Variants in SSBP3 observed in about 807,000 individuals in gnomAD.
SSBP3 encodes single-stranded DNA-binding protein 3.
SSBP3 carries 5 observed loss-of-function variants against 69.6 expected under a neutral mutation model. The observed-to-expected ratio is 0.07, with a 90% CI of 0.04 to 0.15. The LOEUF (loss-of-function observed/expected upper bound fraction) is 0.15, where lower values mean the gene tolerates loss of function less well. Ranked by LOEUF, SSBP3 falls within the 10% of genes least tolerant of loss-of-function variation. The probability of loss-of-function intolerance (pLI) is 1.00; values close to 1 mark genes in which losing one functional copy is unlikely to be tolerated. For synonymous variants in SSBP3, 196 were observed against 193.4 expected (o/e 1.01, Z -0.11); for missense variants, 312 against 534.0 (o/e 0.58, Z 4.10).
chr1:54,346,285 A>G (rs937209219), intron 4 of SSBP3, among the ~76,000 whole-genome samples: 26 of 151,772 alleles, frequency 1.7e-4, no homozygotes, highest in African/African-American at 6.3e-4. Flanking sequence ...AGATCGGGCC[A>G]CTGCACTCCA....
chr1:54,400,042 G>A (rs1308853756), intron 4 of SSBP3, among the ~76,000 whole-genome samples: 1 of 152,134 alleles, frequency 6.6e-6, no homozygotes, highest in Non-Finnish European at 1.5e-5. Flanking sequence ...TCTTCTAAAT[G>A]TCAACGCCAA....
At chr1:54,308,675 G>A (rs1645944572) in intron 4 of SSBP3, among the ~76,000 whole-genome samples, 1 of 151,956 alleles carries the variant, frequency 6.6e-6, no homozygotes, top group South Asian at 2.1e-4. Context: ...GGCTGAGGCA[G>A]GAGAATCACT....
At chr1:54,251,314 C>T (rs1039477249) in intron 9 of SSBP3, among the ~76,000 whole-genome samples, 11 of 152,214 alleles carry the variant, frequency 7.2e-5, no homozygotes, top group African/African-American at 2.2e-4. Flanking sequence ...CTTCTTCAGA[C>T]CCCATGATAG....
At chr1:54,295,943 G>A (rs1446174758) in intron 4 of SSBP3, among the ~76,000 whole-genome samples, 1 of 152,128 alleles carries the variant, frequency 6.6e-6, no homozygotes, top group Non-Finnish European at 1.5e-5. Flanking sequence ...TTTCTACCTG[G>A]TCTTATTATA....
chr1:54,299,918 G>C (rs1432077077), intron 4 of SSBP3, among the ~76,000 whole-genome samples: 1 of 152,002 alleles, frequency 6.6e-6, no homozygotes, highest in Non-Finnish European at 1.5e-5. Flanking sequence ...CAGCTCCACC[G>C]ACATAATTCC....
chr1:54,290,137 A>C (rs1467843797), intron 4 of SSBP3, among the ~76,000 whole-genome samples: 1 of 152,214 alleles, frequency 6.6e-6, no homozygotes, highest in Non-Finnish European at 1.5e-5. Context: ...TCTCTGATAC[A>C]AATTTCAGAA....
At chr1:54,382,985 CAA>C (rs781100304) in intron 4 of SSBP3, among the ~76,000 whole-genome samples, 6 of 89,946 alleles carry the variant, frequency 6.7e-5, no homozygotes, top group Non-Finnish European at 6.9e-5. Context: ...AACTCCATGA[CAA>C]AAAAAAAAAA....
chr1:54,267,257 T>A (rs780638991), intron 5 of SSBP3, among the ~76,000 whole-genome samples: 15 of 152,174 alleles, frequency 9.9e-5, no homozygotes, highest in Admixed American at 5.2e-4. Context: ...TCCACATGTA[T>A]CCATACAACA....
At chr1:54,289,849 C>A (rs1379289332) in intron 4 of SSBP3, among the ~76,000 whole-genome samples, 1 of 152,032 alleles carries the variant, frequency 6.6e-6, no homozygotes, top group East Asian at 1.9e-4. Flanking sequence ...CGCTTTCCCT[C>A]CCCCAGGATA....
In SSBP3 at chr1:54,351,937, A is replaced by G. The variant is rs181077897; in HGVS notation, c.276+49924T>C. ...CTCCAGAAGGAGCTCCTGGTGAGCT[A>G]AAGAGCAGTGTGAACTCCAGCAAAC... On this transcript the variant is annotated intron_variant, in intron 4 of 17. Transcript: ENST00000610401. 9.2e-5 allele frequency among the ~76,000 whole-genome samples: 14 copies of G among 152,316 alleles called. No individual in the cohort carries two copies. The East Asian group carries it at 2.7e-3, about 29-fold the overall frequency.
chr1:54,370,684 T>C (rs1225634340), intron 4 of SSBP3, among the ~76,000 whole-genome samples: 1 of 152,062 alleles, frequency 6.6e-6, no homozygotes, highest in South Asian at 2.1e-4. Flanking sequence ...ATACAGGAGA[T>C]TGTTCTACAA....
At chr1:54,246,255 G>A (rs1245891205) in intron 9 of SSBP3, among the ~76,000 whole-genome samples, 9 of 152,214 alleles carry the variant, frequency 5.9e-5, no homozygotes, top group Non-Finnish European at 1.3e-4. Context: ...CAGCATTGCA[G>A]AAGCTTGGGT....
chr1:54,288,292 C>T (rs747206209), intron 4 of SSBP3, among the ~76,000 whole-genome samples: 1 of 152,166 alleles, frequency 6.6e-6, no homozygotes, highest in African/African-American at 2.4e-5. Flanking sequence ...CTGATCAGGC[C>T]TTCCTGCCCC....
At chr1:54,405,864 G>GCCACCC in intron 1 of SSBP3, 89 bp downstream of exon 1, 1 of 138,886 alleles carries the variant, frequency 7.2e-6, no homozygotes, top group Non-Finnish European at 1.5e-5. Flanking sequence ...GCAGCCTCCG[G>GCCACCC]CCCCCGCCCG....
rs1315824347 is a variant in SSBP3, at chr1:54,316,476, A to G, written c.277-34949T>C. On this transcript the variant is annotated intron_variant, in intron 4 of 17. Transcript: ENST00000610401. Reference sequence around the variant, plus strand: ...AACAAGGTGAAACCCCGTCTCTACTAAAAATACAAAAAAAATTAGCCGGGC... The same window carrying G: ...AACAAGGTGAAACCCCGTCTCTACTGAAAATACAAAAAAAATTAGCCGGGC... 2.1e-5 allele frequency among the ~76,000 whole-genome samples: 3 copies of G among 145,550 alleles called. No homozygotes were observed. In the South Asian group the frequency reaches 6.7e-4, roughly 32 times the overall value.
intron 4 of SSBP3, among the ~76,000 whole-genome samples, chr1:54,320,912 G>A (rs1360579436): frequency 6.6e-6 from 1 of 152,198 alleles, no homozygotes; most frequent in Admixed American, 6.5e-5. Flanking sequence ...ACAAAAAAAG[G>A]GTGTAGTTTA....
chr1:54,257,399 G>C lies in SSBP3; in HGVS notation c.448-213C>G, dbSNP rs140454415. 5.7e-4 allele frequency: 298 copies of C among 523,474 alleles called. 1 individual carries two copies. The highest frequency in any genetic ancestry group is 5.6e-3 in the African/African-American group (277 of 49,566). The allele number at this position is 523,474 out of a possible 1,614,324, so 32.4% of individuals were successfully genotyped here. ...AAATGTGTCTCTTGACTCCACATTTGTTCGTGGAGATCTACTCTGGGTGGG... is the reference window on the plus strand; with the variant it reads ...AAATGTGTCTCTTGACTCCACATTTCTTCGTGGAGATCTACTCTGGGTGGG... On this transcript the variant is annotated intron_variant, in intron 6 of 17. Coordinates refer to ENST00000610401, the Ensembl canonical transcript of SSBP3.
intron 4 of SSBP3, among the ~76,000 whole-genome samples, chr1:54,397,877 C>G (rs759808208): frequency 7.2e-5 from 11 of 152,194 alleles, no homozygotes; most frequent in Non-Finnish European, 1.5e-4. Flanking sequence ...AACAAACCCC[C>G]TTCCCAGAGT....
intron 4 of SSBP3, chr1:54,287,122 C>T (rs997706304): frequency 2.0e-5 from 3 of 152,242 alleles, no homozygotes; most frequent in Non-Finnish European, 4.4e-5. Context: ...GCCTGAGACC[C>T]CCGCTCCAAC....
Sources: gnomAD v4.1 joint callset for allele counts (sites outside exome capture counted in the v4.1 genomes callset) on GRCh38, gnomAD v4.1.1 for gene constraint, MANE v1.5 for transcripts, NCBI Gene and HGNC (gene_info 2026-07-23, HGNC 2026-07-21) for gene names.